WRAP73: variants seen among roughly 807,000 people sequenced by gnomAD.
WRAP73 encodes WD repeat-containing protein WRAP73.
A neutral mutation model predicts 59.6 loss-of-function variants in WRAP73; 55 were observed. That is an observed-to-expected ratio of 0.92 (90% confidence interval 0.74 to 1.15). The LOEUF is 1.15. Ranked by LOEUF, WRAP73 falls within the 50% of genes most tolerant of loss-of-function variation. The pLI, the probability that WRAP73 is intolerant of heterozygous loss-of-function variation, is 0.00. For synonymous variants in WRAP73, 265 were observed against 258.2 expected, an observed-to-expected ratio of 1.03 and a Z score of -0.25; for missense variants, 592 against 608.1, an observed-to-expected ratio of 0.97 and a Z score of 0.28.
chr1:3,640,639 G>A (rs1165806283), intron 3 of WRAP73, among the ~76,000 whole-genome samples: 1 of 144,870 alleles, frequency 6.9e-6, no homozygotes, highest in African/African-American at 2.5e-5. Flanking sequence ...GAGCGCCCGA[G>A]GCTCTGAGCA....
intron 11 of WRAP73, 78 bp from the exon 12 acceptor site, chr1:3,631,195 AGG>A: frequency 6.3e-7 from 1 of 1,590,112 alleles, no homozygotes; most frequent in Non-Finnish European, 8.6e-7. Context: ...CTTGTCCTGC[AGG>A]CCAGCACAGT....
In WRAP73 at chr1:3,638,830, G is replaced by A; in HGVS notation, c.340-8C>T. ...CCAGACGGTTATCCGCAGCTGTTGGGGGAAAGGGGAAAGAGAAAGGAAACA... is the reference window on the plus strand; with the variant it reads ...CCAGACGGTTATCCGCAGCTGTTGGAGGAAAGGGGAAAGAGAAAGGAAACA... On this transcript the variant is annotated splice_region_variant and splice_polypyrimidine_tract_variant and intron_variant, in intron 3 of 11. Transcript: ENST00000270708. 6.2e-7 allele frequency: 1 copy of A among 1,613,834 alleles called. No individual in the cohort carries two copies. The highest frequency in any genetic ancestry group is 8.5e-7 in the Non-Finnish European group (1 of 1,179,780).
Position 3,647,501 on chromosome 1 carries a change from C to G in WRAP73, c.129G>C (p.Gln43His), listed in dbSNP as rs1304403919. 1.2e-6 allele frequency: 2 copies of G among 1,613,966 alleles called. No homozygotes were observed. Among genetic ancestry groups the G allele is most frequent in the Admixed American group, 1.7e-5 (1 of 60,004 alleles). Residue 43 changes from glutamine (Q) to histidine (H), a missense_variant, in exon 2 of 12, where the codon CAG (glutamine) becomes CAC (histidine). Coordinates refer to ENST00000270708, the MANE Select transcript of WRAP73 (RefSeq NM_017818.4). ...GGATCTGGTCTAGGCACGTGTACAG[C>G]TGAAGGATCTGAAGGGTGTTCACAT... ...VRDVNTLQIL[Q>H]LYTCLDQIQH... is the part of the protein sequence containing the mutation.
chr1:3,635,296 T>G lies in WRAP73; in HGVS notation c.604-2A>C. On this transcript the variant is annotated splice_acceptor_variant, in intron 6 of 11. Coordinates refer to ENST00000270708, the MANE Select transcript of WRAP73 (RefSeq NM_017818.4). LOFTEE classifies it high-confidence loss of function. ...CAATGAGTACAGCAGAATCTTGTAC[T>G]GCAGATGAGACATTTCAGTTAATAA... 6.2e-7 allele frequency: 1 copy of G among 1,613,700 alleles called. No homozygotes were observed. The highest frequency in any genetic ancestry group is 8.5e-7 in the Non-Finnish European group (1 of 1,179,920).
chr1:3,631,505 A>T lies in WRAP73; in HGVS notation c.1201T>A (p.Ser401Thr), dbSNP rs1644532655. 1 of 1,609,212 alleles carries T rather than the reference A, an allele frequency of 6.2e-7. No individual in the cohort carries two copies. Among genetic ancestry groups the T allele is most frequent in the African/African-American group, 1.3e-5 (1 of 74,984 alleles). Residue 401 changes from serine (S) to threonine (T), a missense_variant, in exon 11 of 12, where the codon TCC (serine) becomes ACC (threonine). Transcript: ENST00000270708. The part of the protein sequence containing the change: ...CTGGSRLYLW[S>T]PAGCMSVQVP... ...TGCACCGACATGCAGCCCGCTGGGG[A>T]CCACAGGTAGAGCCTGCTGCCTCCC...
chr1:3,635,160 C>A lies in WRAP73; in HGVS notation c.738G>T (p.Lys246Asn). The A allele has an allele frequency of 6.2e-7, 1 of 1,614,172 alleles. No individual in the cohort carries two copies. The highest frequency in any genetic ancestry group is 1.7e-5 in the Admixed American group (1 of 60,030). Residue 246 changes from lysine (K) to asparagine (N), a missense_variant and splice_region_variant, in exon 7 of 12, where the codon AAG becomes AAT. Physicochemically the swap from Lys to Asn is moderately conservative, Grantham distance 94 (BLOSUM62 0). Coordinates refer to ENST00000270708, the MANE Select transcript of WRAP73 (RefSeq NM_017818.4). Reference sequence around the variant, plus strand: ...CTGAGTGCCCTGCACTGGTTCCCACCTTTCCATCATAGCTCCCAACTGCCA... The same window carrying A: ...CTGAGTGCCCTGCACTGGTTCCCACATTTCCATCATAGCTCCCAACTGCCA... ...QFLAVGSYDG[K>N]VRILNHVTWK...
rs1438403189 is a variant in WRAP73, at chr1:3,639,366, T to C, written c.340-544A>G. The C allele has an allele frequency of 6.1e-6, 1 of 165,210 alleles. No homozygotes were observed. The highest frequency in any genetic ancestry group is 1.3e-5 in the Non-Finnish European group (1 of 77,186). 10.2% of individuals were successfully genotyped at this position (165,210 alleles called of 1,614,324 possible). ...TGCATCTGCAGAGGGTTCTAGAACA[T>C]GCGCTGCTGGACTGTCCACTTTTCC... On this transcript the variant is annotated intron_variant, in intron 3 of 11. Transcript: ENST00000270708. This position sits in a 1 kb window ranked among gnomAD's most constrained non-coding sequence, Gnocchi z 4.3.
In WRAP73 at chr1:3,650,082, C is replaced by T. The variant is rs1416482750; in HGVS notation, c.-83G>A. ...GCGCAGCAGGCTGCAACAGCCGACG[C>T]CGGCCTCCGAGGCCGGAAGTCAGAA... On this transcript the variant is annotated 5_prime_UTR_variant, in exon 1 of 12. Coordinates refer to ENST00000270708, the MANE Select transcript of WRAP73 (RefSeq NM_017818.4). 2.1e-6 allele frequency: 3 copies of T among 1,398,174 alleles called. No individual in the cohort carries two copies. The highest frequency in any genetic ancestry group is 3.0e-5 in the African/African-American group (2 of 65,696). 86.6% of individuals were successfully genotyped at this position (1,398,174 alleles called of 1,614,324 possible). A position where few individuals can be genotyped will look rare whatever the true frequency, so the allele number is the denominator to read the frequency against.
chr1:3,646,097 C>T lies in WRAP73; in HGVS notation c.339+569G>A, dbSNP rs1053292452. 6.6e-6 allele frequency among the ~76,000 whole-genome samples: 1 copy of T among 152,206 alleles called. No homozygotes were observed. The highest frequency in any genetic ancestry group is 1.5e-5 in the Non-Finnish European group (1 of 68,020). On this transcript the variant is annotated intron_variant, in intron 3 of 11. Transcript: ENST00000270708. The surrounding 1 kb of genome is among the most constrained non-coding windows in gnomAD (Gnocchi z 5.1). ...TATACACACCACTATATACGCTCCC[C>T]GGCTCCCTCCAACCCCGCCAATCTA...
intron 8 of WRAP73, chr1:3,634,648 C>A: frequency 3.1e-6 from 1 of 326,230 alleles, no homozygotes; most frequent in Non-Finnish European, 5.9e-6. Flanking sequence ...GAGCACAGTG[C>A]CTGGCACGAC....
rs1214998304 is a variant in WRAP73 at position 3,630,926 on chromosome 1, A to G, written c.*49T>C. On this transcript the variant is annotated 3_prime_UTR_variant, in exon 12 of 12. Coordinates refer to ENST00000270708, the MANE Select transcript of WRAP73 (RefSeq NM_017818.4). ...CTGGTGAAGCTGTGTTTTTTCCCAC[A>G]CTGGAAACACAGAGTAGCCCTGTTT... The G allele has an allele frequency of 1.3e-6, 2 of 1,572,390 alleles. No individual in the cohort carries two copies. Among genetic ancestry groups the G allele is most frequent in the Non-Finnish European group, 1.7e-6 (2 of 1,155,320 alleles).
intron 10 of WRAP73, chr1:3,631,958 C>T (rs961006132): frequency 7.1e-7 from 1 of 1,404,764 alleles, no homozygotes; most frequent in Non-Finnish European, 9.2e-7. Context: ...GTGCCCAGCC[C>T]TGCTTTCTAC....
At chr1:3,644,475 T>C (rs1277774510) in intron 3 of WRAP73, among the ~76,000 whole-genome samples, 1 of 152,276 alleles carries the variant, frequency 6.6e-6, no homozygotes, top group Non-Finnish European at 1.5e-5. Context: ...TGAATGAGAC[T>C]GATGGACGGT....
Position 3,636,317 on chromosome 1 carries a change from C to T in WRAP73, c.517-287G>A, listed in dbSNP as rs563471290. On this transcript the variant is annotated intron_variant, in intron 5 of 11. Coordinates refer to ENST00000270708, the MANE Select transcript of WRAP73 (RefSeq NM_017818.4). ...CCCTCACCTTTCCTTGCCTGGCCAG[C>T]CCCCGAGGGCGGCTTGGTCTCCCCG... The T allele has an allele frequency of 1.4e-5, 6 of 425,950 alleles. No individual in the cohort carries two copies. The East Asian group carries it at 2.9e-4, about 21-fold the overall frequency. 26.4% of individuals were successfully genotyped at this position (425,950 alleles called of 1,614,324 possible).
At chr1:3,636,486 C>T (rs1443149908) in intron 5 of WRAP73, 2 of 325,550 alleles carry the variant, frequency 6.1e-6, no homozygotes, top group Non-Finnish European at 1.2e-5. Flanking sequence ...CTCCTTTAGA[C>T]CCAGCTCAGA....
chr1:3,636,056 T>A, intron 5 of WRAP73, 26 bp from the exon 6 acceptor site: 2 of 1,548,788 alleles, frequency 1.3e-6, no homozygotes, highest in Non-Finnish European at 1.8e-6. Context: ...GGGGAAACAT[T>A]AAATTTGGAA....
rs1644688786 is a variant in WRAP73, at chr1:3,646,060, T to C, written c.339+606A>G. Among the ~76,000 whole-genome samples the C allele has an allele frequency of 2.6e-5, 4 of 152,226 alleles. No individual in the cohort carries two copies. Among genetic ancestry groups the C allele is most frequent in the Non-Finnish European group, 5.9e-5 (4 of 68,038 alleles). On this transcript the variant is annotated intron_variant, in intron 3 of 11. Transcript: ENST00000270708. The surrounding 1 kb of genome is among the most constrained non-coding windows in gnomAD (Gnocchi z 5.1). The stretch of plus-strand genomic sequence containing the variant: ...AATAATACTTAGTGGCTTATAATGC[T>C]CTGACCTAAAATATACACACCACTA...
In WRAP73 at chr1:3,630,786, G is replaced by C. The variant is rs1334798621; in HGVS notation, c.*189C>G. The C allele has an allele frequency of 1.4e-6, 1 of 718,310 alleles. No individual in the cohort carries two copies. Among genetic ancestry groups the C allele is most frequent in the Non-Finnish European group, 2.2e-6 (1 of 463,772 alleles). The allele number at this position is 718,310 out of a possible 1,614,324, so 44.5% of individuals were successfully genotyped here. A position where few individuals can be genotyped will look rare whatever the true frequency, so the allele number is the denominator to read the frequency against. ...GAGAAGTAGTTGTATAAATCAGCAA[G>C]TATTTATTTTAAATAATAAAACTAC... is the stretch of plus-strand genomic sequence containing the variant. On this transcript the variant is annotated 3_prime_UTR_variant, in exon 12 of 12. Coordinates refer to ENST00000270708, the MANE Select transcript of WRAP73 (RefSeq NM_017818.4).
At position 3,630,852 on chromosome 1, in the gene WRAP73, G is replaced by T; in HGVS notation, c.*123C>A. On this transcript the variant is annotated 3_prime_UTR_variant, in exon 12 of 12. Coordinates refer to ENST00000270708, the MANE Select transcript of WRAP73 (RefSeq NM_017818.4). ...ATATTTACAAAAATGCTTTGCTATA[G>T]AAAAATAGAATCAATCACTGAATCC... 7.5e-7 allele frequency: 1 copy of T among 1,328,706 alleles called. No individual in the cohort carries two copies. Among genetic ancestry groups the T allele is most frequent in the Non-Finnish European group, 1.0e-6 (1 of 975,354 alleles). 82.3% of individuals were successfully genotyped at this position (1,328,706 alleles called of 1,614,324 possible).
Sources: allele counts gnomAD v4.1 joint callset (sites outside exome capture counted in the v4.1 genomes callset), GRCh38; gene constraint gnomAD v4.1.1; non-coding constraint Gnocchi (gnomAD v3.1); transcripts MANE v1.5; gene names NCBI Gene and HGNC (gene_info 2026-07-23, HGNC 2026-07-21).